Variants in ARL13B observed in about 807,000 individuals in gnomAD.
ARL13B encodes ARF like GTPase 13B, also known as ADP-ribosylation factor-like protein 13B.
ARL13B carries 36 observed loss-of-function variants against 56.1 expected under a neutral mutation model. The observed-to-expected ratio is 0.64, with a 90% confidence interval of 0.49 to 0.85. The LOEUF is 0.85. Among genes scored for constraint, ARL13B ranks in the 40% least tolerant of loss-of-function variants. The pLI is 0.00. For missense variants in ARL13B, 519 were observed against 507.1 expected (o/e 1.02, Z -0.23); for synonymous variants, 178 against 171.1 (o/e 1.04, Z -0.32).
intron 1 of ARL13B, among the ~76,000 whole-genome samples, chr3:93,993,151 A>C (rs1272987098): frequency 6.6e-6 from 1 of 151,250 alleles, no homozygotes; most frequent in Non-Finnish European, 1.5e-5. Context: ...TTTGAGATAC[A>C]GTCCTGCTCT....
chr3:93,996,712 C>T, intron 2 of ARL13B: 1 of 398,404 alleles, frequency 2.5e-6, no homozygotes, highest in Non-Finnish European at 5.1e-6. Context: ...CTTTGTGCTA[C>T]AATATAGCAG....
intron 3 of ARL13B, among the ~76,000 whole-genome samples, chr3:94,030,810 C>A (rs1235952522): frequency 1.3e-5 from 2 of 151,936 alleles, no homozygotes; most frequent in East Asian, 3.9e-4. Flanking sequence ...TGTTAAAATT[C>A]CTATATATAG....
At chr3:94,050,780 A>C (rs777663826) in intron 8 of ARL13B, 44 bp from the exon 9 acceptor site, 2 of 1,558,390 alleles carry the variant, frequency 1.3e-6, no homozygotes, top group South Asian at 2.2e-5. Flanking sequence ...ACCTAAAGAA[A>C]CCTTGTTTAA....
chr3:94,034,069 G>A (rs2076723730), intron 3 of ARL13B, among the ~76,000 whole-genome samples: 1 of 152,084 alleles, frequency 6.6e-6, no homozygotes, highest in African/African-American at 2.4e-5. Context: ...AAATGATATT[G>A]GAGAATATTG....
chr3:94,005,461 G>A (rs962667666), intron 3 of ARL13B, among the ~76,000 whole-genome samples: 1 of 152,042 alleles, frequency 6.6e-6, no homozygotes, highest in African/African-American at 2.4e-5. Flanking sequence ...TCAAAGTCGG[G>A]GTATACAGTT....
At position 94,003,857 on chromosome 3, in the gene ARL13B, C is replaced by G; in HGVS notation, c.329C>G (p.Ala110Gly). Residue 110 changes from alanine (A) to glycine (G), a missense_variant, in exon 3 of 10, where the codon GCT becomes GGT. Transcript: ENST00000394222. ...DEERMEETKE[A>G]MSEMLRHPRI... ...GAGAGAATGGAAGAGACAAAAGAGG[C>G]TATGTCAGAAATGCTAAGACATCCT... 6.2e-7 allele frequency: 1 copy of G among 1,613,578 alleles called. No homozygotes were observed. Among genetic ancestry groups the G allele is most frequent in the Non-Finnish European group, 8.5e-7 (1 of 1,179,678 alleles).
At chr3:94,008,206 C>T (rs914092886) in intron 3 of ARL13B, among the ~76,000 whole-genome samples, 5 of 152,114 alleles carry the variant, frequency 3.3e-5, no homozygotes, top group African/African-American at 4.8e-5. Flanking sequence ...TGTTAATCTA[C>T]AAAGTCCTTT....
intron 3 of ARL13B, among the ~76,000 whole-genome samples, chr3:94,031,501 T>G (rs919395122): frequency 6.6e-6 from 1 of 152,174 alleles, no homozygotes; most frequent in African/African-American, 2.4e-5. Flanking sequence ...TCAAAGACTG[T>G]TGGAGTTGTA....
chr3:94,022,211 C>T (rs528613457), intron 3 of ARL13B, among the ~76,000 whole-genome samples: 8 of 152,158 alleles, frequency 5.3e-5, no homozygotes, highest in African/African-American at 1.4e-4. Flanking sequence ...GCAACCTCCT[C>T]CTCCCTGGTT....
chr3:94,027,428 A>G (rs1281161293), intron 3 of ARL13B, among the ~76,000 whole-genome samples: 1 of 152,126 alleles, frequency 6.6e-6, no homozygotes, highest in East Asian at 1.9e-4. Context: ...TTGTATAACA[A>G]CATTAAGATC....
intron 1 of ARL13B, among the ~76,000 whole-genome samples, chr3:93,989,643 A>G (rs770412166): frequency 6.6e-6 from 1 of 151,784 alleles, no homozygotes; most frequent in Non-Finnish European, 1.5e-5. Flanking sequence ...ACCTTATTTA[A>G]TTTTCATTAT....
intron 8 of ARL13B, among the ~76,000 whole-genome samples, chr3:94,050,368 G>T (rs2077049586): frequency 6.6e-6 from 1 of 151,970 alleles, no homozygotes; most frequent in Non-Finnish European, 1.5e-5. Flanking sequence ...ACTAAGCTTA[G>T]CACCTCACCT....
rs1413535462 is a variant in ARL13B at position 94,053,482 on chromosome 3, C to T, written c.*219C>T. On this transcript the variant is annotated 3_prime_UTR_variant, in exon 10 of 10. Coordinates refer to ENST00000394222, the MANE Select transcript of ARL13B (RefSeq NM_001174150.2). ...AAGCACAATGACCAGTACATGAAAT[C>T]AGCATTTGGACCAAATTAGCAAGAT... is the stretch of plus-strand genomic sequence containing the variant. The T allele has an allele frequency of 1.5e-6, 1 of 660,012 alleles. No homozygotes were observed. Among genetic ancestry groups the T allele is most frequent in the Non-Finnish European group, 2.8e-6 (1 of 360,644 alleles). 40.9% of individuals were successfully genotyped at this position (660,012 alleles called of 1,614,324 possible).
At chr3:94,037,478 A>G (rs1237667827) in intron 5 of ARL13B, among the ~76,000 whole-genome samples, 5 of 152,178 alleles carry the variant, frequency 3.3e-5, no homozygotes, top group Admixed American at 6.5e-5. Context: ...GGACTTAAAG[A>G]AATATTTATA....
chr3:94,015,119 G>A (rs144715706), intron 3 of ARL13B: 1 of 1,613,762 alleles, frequency 6.2e-7, no homozygotes, highest in African/African-American at 1.3e-5. Context: ...ATTTCATGTA[G>A]GTGTCTCTCA....
chr3:94,039,759 C>A (rs933614692), intron 5 of ARL13B, 121 bp from the exon 6 acceptor site: 2 of 834,066 alleles, frequency 2.4e-6, no homozygotes, highest in African/African-American at 1.7e-5. Context: ...CTCAGTAATT[C>A]AAAACCATGT....
At chr3:94,015,969 G>A (rs910406011) in intron 3 of ARL13B, among the ~76,000 whole-genome samples, 4 of 151,986 alleles carry the variant, frequency 2.6e-5, no homozygotes, top group Non-Finnish European at 5.9e-5. Context: ...ATATCAATTT[G>A]TGTTAGGTGA....
chr3:94,000,090 A>G lies in ARL13B; in HGVS notation c.131-3569A>G, dbSNP rs991413866. On this transcript the variant is annotated intron_variant, in intron 2 of 9. Coordinates refer to ENST00000394222, the MANE Select transcript of ARL13B (RefSeq NM_001174150.2). ...AAGCTGCTGCATCATTTTAGTTCAC[A>G]TCATGACTAGAAGCAGTGGTGTTCT... Among the ~76,000 whole-genome samples, 9 of 152,306 alleles carry G rather than the reference A, an allele frequency of 5.9e-5. No homozygotes were observed. In the East Asian group the frequency reaches 1.7e-3, roughly 29 times the overall value.
intron 3 of ARL13B, chr3:94,014,869 T>G (rs778523780): frequency 3.1e-6 from 5 of 1,614,048 alleles, no homozygotes; most frequent in South Asian, 1.1e-5. Flanking sequence ...ATGCTGAGAT[T>G]TAAGTATCCT....
Sources: gnomAD v4.1 joint callset for allele counts (sites outside exome capture counted in the v4.1 genomes callset) on GRCh38, gnomAD v4.1.1 for gene constraint, MANE v1.5 for transcripts, NCBI Gene and HGNC (gene_info 2026-07-23, HGNC 2026-07-21) for gene names.